The following SLIT3 variants were observed in gnomAD, a reference collection of about 807,000 sequenced individuals.
SLIT3 encodes the protein slit guidance ligand 3, also known as slit homolog 3 protein.
In SLIT3, 68 loss-of-function variants were observed where a neutral mutation model predicts 184.0. That is an observed-to-expected ratio of 0.37 (90% CI 0.30 to 0.45). The LOEUF (loss-of-function observed/expected upper bound fraction) is 0.45, where lower values mean the gene tolerates loss of function less well. Ranked by LOEUF, SLIT3 falls within the 20% of genes least tolerant of loss-of-function variation. The probability of loss-of-function intolerance (pLI) is 1.00; values close to 1 mark genes in which losing one functional copy is unlikely to be tolerated. For synonymous variants in SLIT3, 831 were observed against 828.6 expected, an observed-to-expected ratio of 1.00 and a Z score of -0.05; for missense variants, 1,707 against 2,026.0, an observed-to-expected ratio of 0.84 and a Z score of 3.02.
chr5:169,005,452 C>T (rs1344588915), intron 4 of SLIT3, among the ~76,000 whole-genome samples: 3 of 152,128 alleles, frequency 2.0e-5, no homozygotes, highest in Non-Finnish European at 4.4e-5. Context: ...GCAAGGTGAA[C>T]GGTAAACATT....
chr5:168,858,446 G>A (rs1351878451), intron 5 of SLIT3, among the ~76,000 whole-genome samples: 1 of 152,248 alleles, frequency 6.6e-6, no homozygotes, highest in Admixed American at 6.5e-5. Flanking sequence ...ATAAGCCTTG[G>A]TTTGGGGAAA....
chr5:169,198,978 A>ACACACG (rs1164092852), intron 3 of SLIT3, among the ~76,000 whole-genome samples: 4 of 148,866 alleles, frequency 2.7e-5, no homozygotes, highest in South Asian at 2.1e-4. Flanking sequence ...ACACACACAT[A>ACACACG]TGTGTGTATA....
chr5:169,189,890 G>A (rs1421763), intron 4 of SLIT3, among the ~76,000 whole-genome samples: 34,244 of 152,022 alleles, frequency 0.23, 4,006 homozygotes, highest in East Asian at 0.35. Context: ...GGCACTCAAC[G>A]TGTTTACTAG....
rs201661847 is a variant in SLIT3 at position 169,185,375 on chromosome 5, C to T, written c.413+8104G>A. 1.3e-4 allele frequency among the ~76,000 whole-genome samples: 20 copies of T among 152,300 alleles called. No homozygotes were observed. The East Asian group carries it at 2.7e-3, about 21-fold the overall frequency. On this transcript the variant is annotated intron_variant, in intron 4 of 35. Coordinates refer to ENST00000519560, the MANE Select transcript of SLIT3 (RefSeq NM_003062.4). ...TGGTGAGGCTGGTCTTGCCGTCCCC[C>T]GGCCTCTGAAATCCATGCCAGCGCA...
chr5:168,760,532 T>C (rs1225561819), intron 16 of SLIT3, among the ~76,000 whole-genome samples: 2 of 152,146 alleles, frequency 1.3e-5, no homozygotes, highest in African/African-American at 2.4e-5. Flanking sequence ...CCGTGCCCCA[T>C]TGCTAGTCCT....
chr5:168,687,198 T>C (rs1761774083), intron 29 of SLIT3, 82 bp from the exon 30 acceptor site: 2 of 1,522,298 alleles, frequency 1.3e-6, no homozygotes, highest in Non-Finnish European at 1.8e-6. Context: ...CCTCAGCAGG[T>C]GGCCTCTCCC....
chr5:168,772,716 T>C (rs1362093134), intron 14 of SLIT3, 65 bp downstream of exon 14: 26 of 1,575,988 alleles, frequency 1.6e-5, no homozygotes, highest in Non-Finnish European at 2.2e-5. Flanking sequence ...GATTGGATTA[T>C]TGGCCTCTCT....
chr5:168,675,710 C>A (rs1421196201), intron 32 of SLIT3, among the ~76,000 whole-genome samples: 1 of 151,846 alleles, frequency 6.6e-6, no homozygotes, highest in Admixed American at 6.5e-5. Context: ...TCTTAAAAAA[C>A]AACAACAACA....
intron 4 of SLIT3, among the ~76,000 whole-genome samples, chr5:168,955,013 G>A (rs966940068): frequency 3.3e-5 from 5 of 150,968 alleles, no homozygotes; most frequent in Non-Finnish European, 7.4e-5. Context: ...AATGTCTTTG[G>A]GCATTCTGGA....
intron 4 of SLIT3, among the ~76,000 whole-genome samples, chr5:168,977,379 T>C (rs1253577111): frequency 6.6e-6 from 1 of 152,222 alleles, no homozygotes; most frequent in East Asian, 1.9e-4. Flanking sequence ...GTGCTGGCCT[T>C]ATGGCTAACC....
At chr5:169,148,809 T>A (rs1460695225) in intron 4 of SLIT3, among the ~76,000 whole-genome samples, 1 of 152,174 alleles carries the variant, frequency 6.6e-6, no homozygotes. Context: ...AGCTGACACA[T>A]TTAATTATAT....
intron 3 of SLIT3, among the ~76,000 whole-genome samples, chr5:169,216,306 T>C (rs1764432908): frequency 6.6e-6 from 1 of 152,234 alleles, no homozygotes; most frequent in Non-Finnish European, 1.5e-5. Context: ...CTGTGTCCAA[T>C]GGATTCATCT....
chr5:169,151,228 C>A (rs1386317867), intron 4 of SLIT3, among the ~76,000 whole-genome samples: 1 of 152,180 alleles, frequency 6.6e-6, no homozygotes, highest in Non-Finnish European at 1.5e-5. Context: ...CTCAGCACAG[C>A]AGGTGGCCCT....
chr5:169,080,263 A>G (rs1758974206), intron 4 of SLIT3, among the ~76,000 whole-genome samples: 1 of 152,204 alleles, frequency 6.6e-6, no homozygotes, highest in African/African-American at 2.4e-5. Flanking sequence ...GCCTCAGAGG[A>G]GCCTGACTCA....
intron 4 of SLIT3, among the ~76,000 whole-genome samples, chr5:169,107,996 A>G (rs1174171608): frequency 2.0e-5 from 3 of 152,086 alleles, no homozygotes; most frequent in Non-Finnish European, 4.4e-5. Context: ...ACTCATTTTG[A>G]CTGTTACTTC....
chr5:168,980,109 G>T (rs1206914768), intron 4 of SLIT3, among the ~76,000 whole-genome samples: 1 of 152,006 alleles, frequency 6.6e-6, no homozygotes, highest in Non-Finnish European at 1.5e-5. Flanking sequence ...GCCCTCAAAA[G>T]ACTCCAATCC....
chr5:168,693,443 G>A (rs934994830), intron 28 of SLIT3, among the ~76,000 whole-genome samples: 2 of 152,216 alleles, frequency 1.3e-5, no homozygotes, highest in African/African-American at 4.8e-5. Context: ...AACACCCAGG[G>A]ATGGCCCTTG....
chr5:169,059,642 A>G (rs1241427696), intron 4 of SLIT3, among the ~76,000 whole-genome samples: 1 of 152,242 alleles, frequency 6.6e-6, no homozygotes, highest in Non-Finnish European at 1.5e-5. Flanking sequence ...AATGGTTGCC[A>G]ACATTTTAAA....
intron 6 of SLIT3, among the ~76,000 whole-genome samples, chr5:168,835,833 T>C (rs1758035433): frequency 6.6e-6 from 1 of 152,090 alleles, no homozygotes; most frequent in Non-Finnish European, 1.5e-5. Flanking sequence ...AAATTTGTTT[T>C]TGTTTTTGTT....
Sources: allele counts gnomAD v4.1 joint callset (sites outside exome capture counted in the v4.1 genomes callset), GRCh38; gene constraint gnomAD v4.1.1; transcripts MANE v1.5; gene names NCBI Gene and HGNC (gene_info 2026-07-23, HGNC 2026-07-21).